SLIT2: variants seen among roughly 807,000 people sequenced by gnomAD.
The protein encoded by SLIT2 is slit homolog 2 protein.
A neutral mutation model predicts 185.7 loss-of-function variants in SLIT2; 41 were observed. The observed-to-expected ratio is 0.22, with a 90% confidence interval of 0.17 to 0.29. The LOEUF (loss-of-function observed/expected upper bound fraction) is 0.29, where lower values mean the gene tolerates loss of function less well. SLIT2 is among the 10% of genes least tolerant of loss of function. SLIT2 has a pLI of 1.00. For synonymous variants in SLIT2, 693 were observed against 680.2 expected (o/e 1.02, Z -0.29); for missense variants, 1,571 against 1,909.0 (o/e 0.82, Z 3.30).
intron 4 of SLIT2, among the ~76,000 whole-genome samples, chr4:20,453,396 C>T (rs1188886769): frequency 6.6e-6 from 1 of 151,948 alleles, no homozygotes; most frequent in Non-Finnish European, 1.5e-5. Context: ...TAAAATTTTA[C>T]CTAAATTTTA....
At chr4:20,410,372 C>T (rs190950670) in intron 4 of SLIT2, among the ~76,000 whole-genome samples, 384 of 150,896 alleles carry the variant, frequency 2.5e-3, no homozygotes, top group Non-Finnish European at 3.6e-3. Flanking sequence ...CCTCAGCCTC[C>T]CAAGTAGCTG....
chr4:20,298,173 C>G (rs1280408561), intron 4 of SLIT2, among the ~76,000 whole-genome samples: 1 of 151,690 alleles, frequency 6.6e-6, no homozygotes, highest in African/African-American at 2.4e-5. Flanking sequence ...ACTGCAACCT[C>G]CACCTCCCGG....
chr4:20,371,954 C>G (rs1186007395), intron 4 of SLIT2, among the ~76,000 whole-genome samples: 2 of 152,012 alleles, frequency 1.3e-5, no homozygotes, highest in Non-Finnish European at 2.9e-5. Flanking sequence ...AAGTGCCTAA[C>G]TGCTTTTTAG....
chr4:20,435,465 T>A (rs1192916928), intron 4 of SLIT2, among the ~76,000 whole-genome samples: 1 of 152,098 alleles, frequency 6.6e-6, no homozygotes, highest in East Asian at 1.9e-4. Context: ...AGATTAGTGT[T>A]AAAAAAACTG....
intron 4 of SLIT2, among the ~76,000 whole-genome samples, chr4:20,384,538 A>G (rs1189919400): frequency 1.3e-5 from 2 of 152,166 alleles, no homozygotes; most frequent in Non-Finnish European, 2.9e-5. Flanking sequence ...ATAAGAATCT[A>G]TCTTCAGACA....
chr4:20,542,812 C>CTGTGTGTGTGTGTGTG (rs753747459), intron 21 of SLIT2, among the ~76,000 whole-genome samples, 186 bp downstream of exon 21: 4 of 110,988 alleles, frequency 3.6e-5, no homozygotes, highest in East Asian at 5.7e-4. Context: ...TTGGGAATTG[C>CTGTGTGTGTGTGTGTG]TGTGTGTGTG....
chr4:20,288,068 TG>T (rs1418147714), intron 4 of SLIT2, among the ~76,000 whole-genome samples: 4 of 152,344 alleles, frequency 2.6e-5, no homozygotes, highest in Non-Finnish European at 4.4e-5. Context: ...TGTGTTTATG[TG>T]TGCAAATTAG....
At chr4:20,307,447 A>G (rs901901084) in intron 4 of SLIT2, among the ~76,000 whole-genome samples, 2 of 151,602 alleles carry the variant, frequency 1.3e-5, no homozygotes, top group South Asian at 2.1e-4. Context: ...ATTTTTTTTC[A>G]TAGAGGCAGG....
intron 4 of SLIT2, among the ~76,000 whole-genome samples, chr4:20,415,973 A>G (rs1727646508): frequency 1.3e-5 from 2 of 152,210 alleles, no homozygotes; most frequent in African/African-American, 2.4e-5. Flanking sequence ...ATACTCAGTT[A>G]GTGATGACAC....
intron 4 of SLIT2, among the ~76,000 whole-genome samples, chr4:20,323,157 G>A (rs1440322941): frequency 2.0e-5 from 3 of 151,914 alleles, no homozygotes; most frequent in Admixed American, 6.6e-5. Context: ...TCTAGGCAAA[G>A]ATAGTAAAAA....
At chr4:20,477,283 C>A (rs1472801216) in intron 5 of SLIT2, among the ~76,000 whole-genome samples, 1 of 151,840 alleles carries the variant, frequency 6.6e-6, no homozygotes, top group Non-Finnish European at 1.5e-5. Flanking sequence ...CGCGCTGCAA[C>A]CTCCACCTCC....
intron 8 of SLIT2, 45 bp from the exon 9 acceptor site, chr4:20,491,716 G>T: frequency 6.4e-7 from 1 of 1,553,254 alleles, no homozygotes. Context: ...TCACAATTAT[G>T]ATATTCAGGA....
At chr4:20,353,839 G>T (rs1722080964) in intron 4 of SLIT2, among the ~76,000 whole-genome samples, 1 of 152,122 alleles carries the variant, frequency 6.6e-6, no homozygotes, top group South Asian at 2.1e-4. Flanking sequence ...TTTAGAACTT[G>T]CAGTGGGGAT....
At chr4:20,594,205 A>T (rs78324301) in intron 30 of SLIT2, among the ~76,000 whole-genome samples, 2 of 149,256 alleles carry the variant, frequency 1.3e-5, no homozygotes, top group African/African-American at 4.9e-5. Flanking sequence ...ATATGTATGT[A>T]TGTGTGTATA....
intron 4 of SLIT2, among the ~76,000 whole-genome samples, chr4:20,465,236 A>G (rs1001993146): frequency 1.6e-4 from 24 of 152,266 alleles, no homozygotes; most frequent in Non-Finnish European, 3.4e-4. Flanking sequence ...TATTTTAACA[A>G]TTTGTCTCAT....
chr4:20,541,090 G>A (rs1311542703), intron 19 of SLIT2, among the ~76,000 whole-genome samples: 1 of 152,140 alleles, frequency 6.6e-6, no homozygotes, highest in Non-Finnish European at 1.5e-5. Flanking sequence ...TGCATTATCA[G>A]TGCGAAGTTT....
Position 20,467,756 on chromosome 4 carries a change from C to G in SLIT2, c.400C>G (p.Leu134Val), listed in dbSNP as rs1471274971. 1 of 1,585,148 alleles carries G rather than the reference C, an allele frequency of 6.3e-7. No individual in the cohort carries two copies. Among genetic ancestry groups the G allele is most frequent in the African/African-American group, 1.3e-5 (1 of 74,218 alleles). The change falls in exon 5 of 37, where the codon CTC becomes GTC. Residue 134 changes from leucine (L) to valine (V), a missense_variant. Leu to Val is a conservative substitution (Grantham distance 32). Around this residue, in one of 3 missense-constraint regions of SLIT2, gnomAD observed 1,202 missense variants for 1,416.4 expected, o/e 0.85. Transcript: ENST00000504154. ...LGTAKLYRLDLSENQIQAIPR... is the reference protein window; with the variant it reads ...LGTAKLYRLDVSENQIQAIPR... ...TTTTGTTGTTGTTGTTTTTAGTGAT[C>G]TCAGTGAAAACCAAATTCAGGCAAT...
intron 29 of SLIT2, among the ~76,000 whole-genome samples, chr4:20,576,826 T>A (rs1726120956): frequency 6.6e-6 from 1 of 152,206 alleles, no homozygotes; most frequent in African/African-American, 2.4e-5. Flanking sequence ...TCTTATTCAA[T>A]CTAATTTGAA....
At chr4:20,273,384 G>A (rs1713834329) in intron 4 of SLIT2, among the ~76,000 whole-genome samples, 3 of 151,852 alleles carry the variant, frequency 2.0e-5, no homozygotes, top group African/African-American at 4.8e-5. Context: ...CTACTTAGAC[G>A]TGTATTATGA....
Sources: allele counts gnomAD v4.1 joint callset (sites outside exome capture counted in the v4.1 genomes callset), GRCh38; gene constraint gnomAD v4.1.1; regional missense constraint gnomAD v4.1.1; transcripts MANE v1.5; gene names NCBI Gene and HGNC (gene_info 2026-07-23, HGNC 2026-07-21).